The following TXNRD3 variants were observed in gnomAD, a reference collection of about 807,000 sequenced individuals.
The protein encoded by TXNRD3 is TXNRD3 neighbor gene protein.
In TXNRD3, 68 loss-of-function variants were observed where a neutral mutation model predicts 78.2. That is an observed-to-expected ratio of 0.87 (90% CI 0.72 to 1.06). The LOEUF is 1.06. TXNRD3 is among the 50% of genes least tolerant of loss of function. The pLI is 0.00. For synonymous variants in TXNRD3, 296 were observed against 300.1 expected, an observed-to-expected ratio of 0.99 and a Z score of 0.14; for missense variants, 751 against 809.5, an observed-to-expected ratio of 0.93 and a Z score of 0.88.
chr3:126,612,525 C>G (rs1938223803), intron 13 of TXNRD3, among the ~76,000 whole-genome samples: 1 of 152,106 alleles, frequency 6.6e-6, no homozygotes, highest in African/African-American at 2.4e-5. Flanking sequence ...TCACTCCAGG[C>G]TGGAGTGCAG....
In TXNRD3 at chr3:126,621,730, T is replaced by C; in HGVS notation, c.1524+12A>G. ...GATCAGGACATTATCTCAAAAACAG[T>C]AAGAAACTTACCTTTTCTAAAGAGG... is the stretch of plus-strand genomic sequence containing the variant. On this transcript the variant is annotated intron_variant, in intron 12 of 15. Transcript: ENST00000524230. 1 of 1,489,620 alleles carries C rather than the reference T, an allele frequency of 6.7e-7. No individual in the cohort carries two copies. The highest frequency in any genetic ancestry group is 8.8e-7 in the Non-Finnish European group (1 of 1,130,208). The allele number at this position is 1,489,620 out of a possible 1,614,324, so 92.3% of individuals were successfully genotyped here.
At chr3:126,650,823 C>G (rs572454568) in intron 1 of TXNRD3, among the ~76,000 whole-genome samples, 20 of 152,338 alleles carry the variant, frequency 1.3e-4, no homozygotes, top group Non-Finnish European at 2.2e-4. Flanking sequence ...TACAGACTCT[C>G]AAGGACCAGC....
At chr3:126,633,053 G>T (rs1307800728) in intron 7 of TXNRD3, among the ~76,000 whole-genome samples, 5 of 152,030 alleles carry the variant, frequency 3.3e-5, no homozygotes, top group African/African-American at 1.2e-4. Context: ...GGTTTTAAAG[G>T]GCTGACTTTA....
At chr3:126,649,269 G>T (rs1933316588) in intron 1 of TXNRD3, among the ~76,000 whole-genome samples, 1 of 152,316 alleles carries the variant, frequency 6.6e-6, no homozygotes, top group South Asian at 2.1e-4. Context: ...AATCTTTAGT[G>T]AAACGTGAAT....
In TXNRD3 at chr3:126,654,933, G is replaced by A. The variant is rs901389000; in HGVS notation, c.58C>T (p.Arg20Cys). The A allele has an allele frequency of 1.3e-5, 17 of 1,296,006 alleles. No individual in the cohort carries two copies. Among genetic ancestry groups the A allele is most frequent in the Middle Eastern group, 2.7e-4 (1 of 3,722 alleles). The allele number at this position is 1,296,006 out of a possible 1,614,324, so 80.3% of individuals were successfully genotyped here. ...GCCCCTCGGACATGGCCCGAGCGGC[G>A]GTTGGGGGCATCGCCCGCCTTTCCC... Residue 20 changes from arginine to cysteine, a missense_variant, in exon 1 of 16, where the codon CGC (arginine) becomes TGC (cysteine). Arg to Cys is a radical substitution (Grantham distance 180). Coordinates refer to ENST00000524230, the MANE Select transcript of TXNRD3 (RefSeq NM_052883.3).
In TXNRD3 at chr3:126,646,139, T is replaced by A; in HGVS notation, c.386A>T (p.His129Leu). The change falls in exon 3 of 16, where the codon CAT (histidine) becomes CTT (leucine). Residue 129 changes from histidine to leucine, a missense_variant. Coordinates refer to ENST00000524230, the MANE Select transcript of TXNRD3 (RefSeq NM_052883.3). ...GAAAGTTTGGTCACATCCACCTACA[T>A]GCACTTTATTCACGAAAATATTGGG... is the stretch of plus-strand genomic sequence containing the variant. 6.5e-7 allele frequency: 1 copy of A among 1,533,410 alleles called. No homozygotes were observed. Among genetic ancestry groups the A allele is most frequent in the Non-Finnish European group, 8.7e-7 (1 of 1,145,812 alleles). The allele number at this position is 1,533,410 out of a possible 1,614,324, so 95.0% of individuals were successfully genotyped here.
intron 12 of TXNRD3, among the ~76,000 whole-genome samples, chr3:126,620,080 G>C (rs1437422933): frequency 6.6e-6 from 1 of 152,102 alleles, no homozygotes; most frequent in Admixed American, 6.6e-5. Context: ...CGGATCACGA[G>C]GTTAGGAGAT....
intron 5 of TXNRD3, 120 bp from the exon 6 acceptor site, chr3:126,642,271 C>T (rs1236981858): frequency 2.4e-6 from 3 of 1,276,108 alleles, no homozygotes; most frequent in Non-Finnish European, 3.1e-6. Flanking sequence ...GACACCCCAC[C>T]CCAAAATAAG....
intron 12 of TXNRD3, among the ~76,000 whole-genome samples, 171 bp downstream of exon 12, chr3:126,621,571 T>C (rs1938457506): frequency 6.6e-6 from 1 of 152,236 alleles, no homozygotes; most frequent in Non-Finnish European, 1.5e-5. Flanking sequence ...TTGCACACAG[T>C]GGACACTCAA....
intron 6 of TXNRD3, among the ~76,000 whole-genome samples, chr3:126,636,338 C>G (rs1419552603): frequency 6.6e-6 from 1 of 152,074 alleles, no homozygotes; most frequent in African/African-American, 2.4e-5. Flanking sequence ...AATCTATGTA[C>G]TTTTTCTATC....
At chr3:126,638,896 A>G (rs1378711687) in intron 6 of TXNRD3, among the ~76,000 whole-genome samples, 1 of 152,222 alleles carries the variant, frequency 6.6e-6, no homozygotes, top group Non-Finnish European at 1.5e-5. Flanking sequence ...GAGTGCAGCA[A>G]AGCAATGTGT....
rs1006136708 is a variant in TXNRD3 at position 126,642,010 on chromosome 3, T to C, written c.712+22A>G. ...TCATTTTTTCTTTTCTCTCAATCTA[T>C]ACTTTATGAACCATTACTCACCTTG... On this transcript the variant is annotated intron_variant, in intron 6 of 15. Transcript: ENST00000524230. 9 of 1,516,228 alleles carry C rather than the reference T, an allele frequency of 5.9e-6. No individual in the cohort carries two copies. The Admixed American group carries it at 1.1e-4, about 19-fold the overall frequency. The allele number at this position is 1,516,228 out of a possible 1,614,324, so 93.9% of individuals were successfully genotyped here.
chr3:126,615,313 T>C, intron 13 of TXNRD3, 42 bp downstream of exon 13: 1 of 1,011,072 alleles, frequency 9.9e-7, no homozygotes, highest in South Asian at 1.8e-5. Context: ...AATTGTTGAT[T>C]AAAAGAGAAT....
At chr3:126,636,655 CAA>C (rs1389807090) in intron 6 of TXNRD3, among the ~76,000 whole-genome samples, 1 of 152,140 alleles carries the variant, frequency 6.6e-6, no homozygotes, top group South Asian at 2.1e-4. Flanking sequence ...TTTGTTCCTT[CAA>C]GACACTACCA....
chr3:126,642,169 T>A lies in TXNRD3; in HGVS notation c.593-18A>T. 6.6e-7 allele frequency: 1 copy of A among 1,524,584 alleles called. No homozygotes were observed. The highest frequency in any genetic ancestry group is 8.7e-7 in the Non-Finnish European group (1 of 1,143,148). The allele number at this position is 1,524,584 out of a possible 1,614,324, so 94.4% of individuals were successfully genotyped here. The stretch of plus-strand genomic sequence containing the variant: ...ACCAAGACCTGAGGAAGAAAATAAG[T>A]TTTAATGCTTCTTTGTGTGTCTAGT... On this transcript the variant is annotated intron_variant, in intron 5 of 15. Coordinates refer to ENST00000524230, the MANE Select transcript of TXNRD3 (RefSeq NM_052883.3).
At chr3:126,620,719 GC>G (rs1190260235) in intron 12 of TXNRD3, among the ~76,000 whole-genome samples, 34 of 152,128 alleles carry the variant, frequency 2.2e-4, no homozygotes, top group Admixed American at 7.9e-4. Flanking sequence ...CCTAGAGAAG[GC>G]CCTACCAATT....
rs1428941907 is a variant in TXNRD3, at chr3:126,634,071, G to A, written c.713-20C>T. 2.0e-6 allele frequency: 3 copies of A among 1,470,830 alleles called. No homozygotes were observed. Among genetic ancestry groups the A allele is most frequent in the Non-Finnish European group, 2.7e-6 (3 of 1,113,580 alleles). The allele number at this position is 1,470,830 out of a possible 1,614,324, so 91.1% of individuals were successfully genotyped here. ...GCCTCACTAAGAAGAAATAATCAGGGTGAAGATGTTAGGTGAATTTTACCT... is the reference window on the plus strand; with the variant it reads ...GCCTCACTAAGAAGAAATAATCAGGATGAAGATGTTAGGTGAATTTTACCT... On this transcript the variant is annotated intron_variant, in intron 6 of 15. Coordinates refer to ENST00000524230, the MANE Select transcript of TXNRD3 (RefSeq NM_052883.3).
At chr3:126,609,509 G>A (rs1477563253) in intron 14 of TXNRD3, among the ~76,000 whole-genome samples, 4 of 152,104 alleles carry the variant, frequency 2.6e-5, no homozygotes, top group Non-Finnish European at 4.4e-5. Flanking sequence ...GCAGAAAAGG[G>A]GTGTAAATGA....
Position 126,643,982 on chromosome 3 carries a change from C to A in TXNRD3, c.591G>T (p.Trp197Cys). 2 of 1,535,290 alleles carry A rather than the reference C, an allele frequency of 1.3e-6. No individual in the cohort carries two copies. The highest frequency in any genetic ancestry group is 1.7e-6 in the Non-Finnish European group (2 of 1,146,602). Residue 197 changes from tryptophan to cysteine, a missense_variant and splice_region_variant, in exon 5 of 16, where the codon TGG (tryptophan) becomes TGT (cysteine). Physicochemically the swap from Trp to Cys is radical, Grantham distance 215. Transcript: ENST00000524230. The stretch of plus-strand genomic sequence containing the variant: ...GAACAACAGAGAAAAACAACTTACC[C>A]CAGGATGTGCCCTGAGGTGACGGGA...
Sources: allele counts gnomAD v4.1 joint callset (sites outside exome capture counted in the v4.1 genomes callset), GRCh38; gene constraint gnomAD v4.1.1; transcripts MANE v1.5; gene names NCBI Gene and HGNC (gene_info 2026-07-23, HGNC 2026-07-21).